The following CHRM5 variants were observed in gnomAD, a reference collection of about 807,000 sequenced individuals.
CHRM5 encodes cholinergic receptor muscarinic 5, also known as muscarinic acetylcholine receptor M5.
CHRM5 carries 18 observed loss-of-function variants against 39.0 expected under a neutral mutation model. That is an observed-to-expected ratio of 0.46 (90% CI 0.32 to 0.68). The LOEUF (loss-of-function observed/expected upper bound fraction) is 0.68. Ranked by LOEUF, CHRM5 falls within the 30% of genes least tolerant of loss-of-function variation. CHRM5 has a pLI of 0.04. For missense variants in CHRM5, 515 were observed against 651.1 expected, an observed-to-expected ratio of 0.79 and a Z score of 2.28; for synonymous variants, 241 against 246.3, an observed-to-expected ratio of 0.98 and a Z score of 0.20.
chr15:34,047,033 A>G (rs1899719584), intron 2 of CHRM5, among the ~76,000 whole-genome samples, 162 bp downstream of exon 2: 1 of 151,812 alleles, frequency 6.6e-6, no homozygotes, highest in Non-Finnish European at 1.5e-5. Flanking sequence ...AGGCACAAAC[A>G]GAGACCTAGC....
intron 2 of CHRM5, among the ~76,000 whole-genome samples, chr15:34,048,147 A>G (rs902763868): frequency 6.6e-6 from 1 of 152,214 alleles, no homozygotes; most frequent in African/African-American, 2.4e-5. Context: ...AAGTGCTGGG[A>G]TTACAGGCGT....
At chr15:34,007,535 C>T (rs899983670) in intron 1 of CHRM5, among the ~76,000 whole-genome samples, 2 of 152,164 alleles carry the variant, frequency 1.3e-5, no homozygotes, top group African/African-American at 2.4e-5. Context: ...CATATTTCTA[C>T]CAACAGTATC....
chr15:34,055,271 G>T (rs1393503641), intron 2 of CHRM5, among the ~76,000 whole-genome samples: 1 of 151,842 alleles, frequency 6.6e-6, no homozygotes, highest in East Asian at 1.9e-4. Context: ...GCCGAGGTGG[G>T]TGGATCTCTT....
intron 1 of CHRM5, among the ~76,000 whole-genome samples, chr15:34,014,159 T>C (rs1350199864): frequency 6.6e-6 from 1 of 151,954 alleles, no homozygotes; most frequent in Non-Finnish European, 1.5e-5. Context: ...GGTCAGGAAT[T>C]TGAGACCAGC....
intron 1 of CHRM5, among the ~76,000 whole-genome samples, chr15:33,996,120 CA>C (rs1896922190): frequency 2.0e-5 from 3 of 152,210 alleles, no homozygotes; most frequent in African/African-American, 7.2e-5. Flanking sequence ...AGCAGCCTGG[CA>C]GGGGGAGGGG....
chr15:33,994,667 A>G (rs901475078), intron 1 of CHRM5, among the ~76,000 whole-genome samples: 3 of 152,218 alleles, frequency 2.0e-5, no homozygotes, highest in African/African-American at 7.2e-5. Flanking sequence ...GCATCGACAT[A>G]TACATACAGT....
At chr15:34,010,885 A>C (rs889268301) in intron 1 of CHRM5, among the ~76,000 whole-genome samples, 3 of 152,340 alleles carry the variant, frequency 2.0e-5, no homozygotes, top group South Asian at 2.1e-4. Context: ...AAACCTATTA[A>C]GGTCATTTTT....
intron 1 of CHRM5, among the ~76,000 whole-genome samples, chr15:34,002,234 C>T (rs1161407938): frequency 3.3e-5 from 5 of 152,168 alleles, no homozygotes; most frequent in Admixed American, 6.5e-5. Context: ...TGCGTAGGTT[C>T]GTGTATCTGC....
intron 1 of CHRM5, among the ~76,000 whole-genome samples, chr15:34,040,327 G>A (rs1055552200): frequency 6.6e-6 from 1 of 152,150 alleles, no homozygotes; most frequent in Non-Finnish European, 1.5e-5. Flanking sequence ...ATTTAAACGG[G>A]TTACCCAAGG....
intron 1 of CHRM5, among the ~76,000 whole-genome samples, chr15:34,014,939 G>C (rs1897816574): frequency 6.6e-6 from 1 of 152,186 alleles, no homozygotes. Context: ...GGAAGGGTCA[G>C]ATACAGGGGG....
At chr15:34,047,299 G>A (rs1346649844) in intron 2 of CHRM5, among the ~76,000 whole-genome samples, 1 of 152,122 alleles carries the variant, frequency 6.6e-6, no homozygotes, top group African/African-American at 2.4e-5. Context: ...GAATGGTCTG[G>A]ATCTCCTGAC....
intron 1 of CHRM5, among the ~76,000 whole-genome samples, chr15:33,995,299 A>G (rs1319246698): frequency 6.6e-6 from 1 of 152,208 alleles, no homozygotes; most frequent in Non-Finnish European, 1.5e-5. Flanking sequence ...TTATTTTAAA[A>G]TAACAATACA....
At chr15:34,024,905 G>A (rs1027467748) in intron 1 of CHRM5, among the ~76,000 whole-genome samples, 30 of 147,162 alleles carry the variant, frequency 2.0e-4, no homozygotes, top group South Asian at 1.1e-3. Context: ...TGGCGAGGCC[G>A]GGCATGGTGG....
At chr15:33,989,353 C>A (rs560653546) in intron 1 of CHRM5, among the ~76,000 whole-genome samples, 3 of 151,608 alleles carry the variant, frequency 2.0e-5, no homozygotes, top group East Asian at 3.9e-4. Flanking sequence ...TTGTATAGAA[C>A]TTTATAATTT....
chr15:33,973,820 CTAGT>C (rs991521738), intron 1 of CHRM5, among the ~76,000 whole-genome samples: 1 of 152,188 alleles, frequency 6.6e-6, no homozygotes, highest in Non-Finnish European at 1.5e-5. Flanking sequence ...AAGCTCAGGA[CTAGT>C]TAATCAGCAG....
chr15:34,042,280 TTAGG>T (rs1233350999), intron 1 of CHRM5, among the ~76,000 whole-genome samples: 1 of 152,172 alleles, frequency 6.6e-6, no homozygotes, highest in Non-Finnish European at 1.5e-5. Context: ...CAGTTTTCCC[TTAGG>T]TAGGACTCAT....
chr15:34,034,030 C>T lies in CHRM5; in HGVS notation c.-407-12510C>T, dbSNP rs184970085. On this transcript the variant is annotated intron_variant, in intron 1 of 2. Transcript: ENST00000383263. ...TCAATCTCTTGACCTTGTGATCTGC[C>T]CACCTCAGCCTCCCAAAGTGCTGGG... is the stretch of plus-strand genomic sequence containing the variant. Among the ~76,000 whole-genome samples, 364 of 152,262 alleles carry T rather than the reference C, an allele frequency of 2.4e-3. 2 individuals carry two copies. The highest frequency in any genetic ancestry group is 7.1e-3 in the Admixed American group (108 of 15,298).
intron 1 of CHRM5, among the ~76,000 whole-genome samples, chr15:33,982,394 C>T (rs1896190654): frequency 6.6e-6 from 1 of 151,986 alleles, no homozygotes; most frequent in Non-Finnish European, 1.5e-5. Flanking sequence ...AAATGCTATG[C>T]TCTGCCAAAA....
intron 1 of CHRM5, chr15:33,991,214 A>G (rs1027367734): frequency 1.3e-5 from 2 of 152,214 alleles, no homozygotes; most frequent in Admixed American, 1.3e-4. Flanking sequence ...AAATCCAATA[A>G]AAAGTTTATA....
Sources: gnomAD v4.1 joint callset for allele counts (sites outside exome capture counted in the v4.1 genomes callset) on GRCh38, gnomAD v4.1.1 for gene constraint, MANE v1.5 for transcripts, NCBI Gene and HGNC (gene_info 2026-07-23, HGNC 2026-07-21) for gene names.